GLRX3: variants seen among roughly 807,000 people sequenced by gnomAD.
GLRX3 encodes the protein glutaredoxin 3.
GLRX3 carries 22 observed loss-of-function variants against 49.5 expected under a neutral mutation model. The observed-to-expected ratio is 0.44, with a 90% CI of 0.32 to 0.63. The LOEUF (loss-of-function observed/expected upper bound fraction) is 0.63. Ranked by LOEUF, GLRX3 falls within the 30% of genes least tolerant of loss-of-function variation. The pLI, the probability that GLRX3 is intolerant of heterozygous loss-of-function variation, is 0.05. For synonymous variants in GLRX3, 133 were observed against 140.0 expected, an observed-to-expected ratio of 0.95 and a Z score of 0.35; for missense variants, 385 against 396.3, an observed-to-expected ratio of 0.97 and a Z score of 0.24.
At chr10:130,148,649 G>A (rs1317492061) in intron 2 of GLRX3, among the ~76,000 whole-genome samples, 1 of 151,966 alleles carries the variant, frequency 6.6e-6, no homozygotes, top group African/African-American at 2.4e-5. Flanking sequence ...AGAAGAGTTA[G>A]TCACCCATTT....
chr10:130,169,571 C>T, intron 7 of GLRX3, 81 bp downstream of exon 7: 1 of 885,154 alleles, frequency 1.1e-6, no homozygotes, highest in South Asian at 1.3e-5. Context: ...AATCTTTTTC[C>T]TAGCTTTAGC....
At chr10:130,152,644 C>T (rs1862399552) in intron 2 of GLRX3, among the ~76,000 whole-genome samples, 1 of 152,186 alleles carries the variant, frequency 6.6e-6, no homozygotes, top group Non-Finnish European at 1.5e-5. Context: ...TCTCTTCTGG[C>T]TTGTAGGGTT....
In GLRX3 at chr10:130,166,604, A is replaced by T. The variant is rs199617584; in HGVS notation, c.576A>T (p.Lys192Asn). The T allele has an allele frequency of 6.2e-7, 1 of 1,610,310 alleles. No homozygotes were observed. The highest frequency in any genetic ancestry group is 8.5e-7 in the Non-Finnish European group (1 of 1,176,492). The change falls in exon 5 of 11, where the codon AAA becomes AAT. Residue 192 changes from lysine to asparagine, a missense_variant. This residue lies in a region of GLRX3 where 374 missense variants were observed against 358.6 expected (regional missense o/e 1.04). Coordinates refer to ENST00000331244, the MANE Select transcript of GLRX3 (RefSeq NM_006541.5). ...ATGAAGAGGTTCGACAGGGACTCAAAGCCTATTCCAGTTGGCCTACCTATC... is the reference window on the plus strand; with the variant it reads ...ATGAAGAGGTTCGACAGGGACTCAATGCCTATTCCAGTTGGCCTACCTATC... ...FSDEEVRQGL[K>N]AYSSWPTYPQ...
rs752591196 is a variant in GLRX3 at position 130,160,821 on chromosome 10, A to T, written c.302A>T (p.Asp101Val). 11 of 1,601,586 alleles carry T rather than the reference A, an allele frequency of 6.9e-6. No homozygotes were observed. Among genetic ancestry groups the T allele is most frequent in the Non-Finnish European group, 9.4e-6 (11 of 1,168,688 alleles). ...FKNSQKIDRL[D>V]GAHAPELTKK... ...AATTCTCAGAAAATCGACCGATTAGATGGTGCACATGCCCCAGAGTTGACC... is the reference window on the plus strand; with the variant it reads ...AATTCTCAGAAAATCGACCGATTAGTTGGTGCACATGCCCCAGAGTTGACC... Residue 101 changes from aspartate to valine, a missense_variant, in exon 4 of 11, where the codon GAT becomes GTT. By Grantham distance (152) the Asp-to-Val change is radical. Coordinates refer to ENST00000331244, the MANE Select transcript of GLRX3 (RefSeq NM_006541.5).
rs531348904 is a variant in GLRX3 at position 130,152,495 on chromosome 10, G to A, written c.201+7176G>A. 7.9e-5 allele frequency among the ~76,000 whole-genome samples: 12 copies of A among 152,322 alleles called. 1 individual carries two copies. In the South Asian group the frequency reaches 2.5e-3, roughly 32 times the overall value. ...TTCCTTCAGGAGCTCTTGTAAGGCAGGCCTGGTGGTGACAGAATCTCTCAG... is the reference window on the plus strand; with the variant it reads ...TTCCTTCAGGAGCTCTTGTAAGGCAAGCCTGGTGGTGACAGAATCTCTCAG... On this transcript the variant is annotated intron_variant, in intron 2 of 10. Transcript: ENST00000331244.
chr10:130,163,134 A>G (rs1862608452), intron 4 of GLRX3, among the ~76,000 whole-genome samples: 1 of 152,178 alleles, frequency 6.6e-6, no homozygotes, highest in South Asian at 2.1e-4. Flanking sequence ...AAGCTTTGAA[A>G]TATTTCAGGG....
chr10:130,178,282 C>T (rs533483713), intron 10 of GLRX3, among the ~76,000 whole-genome samples: 12 of 152,204 alleles, frequency 7.9e-5, no homozygotes, highest in African/African-American at 2.6e-4. Flanking sequence ...GAGTCTCACT[C>T]TGTCACCCAG....
intron 2 of GLRX3, among the ~76,000 whole-genome samples, chr10:130,149,935 A>T (rs1258255861): frequency 5.3e-4 from 3 of 5,636 alleles, no homozygotes; most frequent in Non-Finnish European, 1.1e-3. Context: ...TTTCATTAGT[A>T]AAAAAAAAAA....
intron 2 of GLRX3, among the ~76,000 whole-genome samples, chr10:130,146,004 A>G (rs967166965): frequency 6.6e-6 from 1 of 152,144 alleles, no homozygotes; most frequent in African/African-American, 2.4e-5. Flanking sequence ...CATCTTAGCC[A>G]GGATAGTCTT....
At position 130,139,722 on chromosome 10, in the gene GLRX3, A is replaced by G. The variant is rs528026573; in HGVS notation, c.92+3210A>G. Among the ~76,000 whole-genome samples the G allele has an allele frequency of 3.3e-5, 5 of 152,062 alleles. No individual in the cohort carries two copies. The South Asian group carries it at 6.2e-4, about 19-fold the overall frequency. The stretch of plus-strand genomic sequence containing the variant: ...CACTTTGGGAGGATGGCTTGAGGCC[A>G]GGAGTTTGAGAGTAGCTTGAACAAC... On this transcript the variant is annotated intron_variant, in intron 1 of 10. Transcript: ENST00000331244.
chr10:130,164,368 A>G (rs1431432534), intron 4 of GLRX3, among the ~76,000 whole-genome samples: 1 of 152,270 alleles, frequency 6.6e-6, no homozygotes, highest in Non-Finnish European at 1.5e-5. Flanking sequence ...TCAGTTAACA[A>G]AGCTTTTAGC....
chr10:130,141,549 GGACTTTGTGT>G (rs1228431623), intron 1 of GLRX3, among the ~76,000 whole-genome samples: 1 of 152,050 alleles, frequency 6.6e-6, no homozygotes, highest in Non-Finnish European at 1.5e-5. Flanking sequence ...CCCTGCTCTT[GGACTTTGTGT>G]GAGTAGAATC....
intron 2 of GLRX3, among the ~76,000 whole-genome samples, chr10:130,157,173 C>T (rs1862486114): frequency 6.6e-6 from 1 of 152,038 alleles, no homozygotes; most frequent in Non-Finnish European, 1.5e-5. Context: ...ATCTGCCCTC[C>T]ACATGCTGGA....
intron 1 of GLRX3, among the ~76,000 whole-genome samples, chr10:130,142,896 A>G (rs1372960920): frequency 6.6e-6 from 1 of 152,166 alleles, no homozygotes; most frequent in Non-Finnish European, 1.5e-5. Context: ...TAATGTTGAT[A>G]AGCCCCCTGA....
chr10:130,139,010 C>T (rs979907719), intron 1 of GLRX3, among the ~76,000 whole-genome samples: 3 of 151,516 alleles, frequency 2.0e-5, no homozygotes, highest in East Asian at 2.0e-4. Flanking sequence ...TACAGGTGCC[C>T]GCCACCACGC....
chr10:130,177,085 A>G (rs978372700), intron 10 of GLRX3, among the ~76,000 whole-genome samples: 3 of 152,246 alleles, frequency 2.0e-5, no homozygotes, highest in African/African-American at 7.2e-5. Flanking sequence ...TATATGGAAT[A>G]GATCTTACGA....
intron 9 of GLRX3, 27 bp downstream of exon 9, chr10:130,174,933 C>T (rs1197642312): frequency 1.1e-5 from 17 of 1,580,296 alleles, no homozygotes; most frequent in Non-Finnish European, 1.3e-5. Context: ...ATGTTTCACC[C>T]TTGTCTTAGC....
chr10:130,167,032 A>G, intron 6 of GLRX3, 52 bp downstream of exon 6: 1 of 950,176 alleles, frequency 1.1e-6, no homozygotes, highest in Non-Finnish European at 1.6e-6. Context: ...TATTAAAAAT[A>G]TTTTAAAGTC....
intron 1 of GLRX3, among the ~76,000 whole-genome samples, chr10:130,143,432 T>G (rs1862211604): frequency 6.6e-6 from 1 of 152,246 alleles, no homozygotes; most frequent in Admixed American, 6.5e-5. Context: ...TTTAGTTGGA[T>G]ATGACCATAG....
Sources: gnomAD v4.1 joint callset for allele counts (sites outside exome capture counted in the v4.1 genomes callset) on GRCh38, gnomAD v4.1.1 for gene constraint, gnomAD v4.1.1 regional missense constraint, MANE v1.5 for transcripts, NCBI Gene and HGNC (gene_info 2026-07-23, HGNC 2026-07-21) for gene names.